OPCML: variants seen among roughly 807,000 people sequenced by gnomAD.
OPCML encodes opioid binding protein/cell adhesion molecule like.
A neutral mutation model predicts 37.8 loss-of-function variants in OPCML; 13 were observed. The observed-to-expected ratio is 0.34, with a 90% confidence interval of 0.22 to 0.55. The LOEUF is 0.55. Ranked by LOEUF, OPCML falls within the 20% of genes least tolerant of loss-of-function variation. The probability of loss-of-function intolerance (pLI) is 0.91; values close to 1 mark genes in which losing one functional copy is unlikely to be tolerated. For synonymous variants in OPCML, 176 were observed against 168.8 expected (o/e 1.04, Z -0.33); for missense variants, 341 against 435.6 (o/e 0.78, Z 1.93).
chr11:133,037,422 T>C (rs959023577), intron 1 of OPCML, among the ~76,000 whole-genome samples: 1 of 152,100 alleles, frequency 6.6e-6, no homozygotes, highest in Non-Finnish European at 1.5e-5. Flanking sequence ...TCTTTCAAAG[T>C]GGATTATTGC....
At chr11:132,859,053 T>C (rs1942183733) in intron 2 of OPCML, among the ~76,000 whole-genome samples, 1 of 152,210 alleles carries the variant, frequency 6.6e-6, no homozygotes, top group Non-Finnish European at 1.5e-5. Context: ...CTCTCTGAAA[T>C]ATATTTCCTT....
intron 1 of OPCML, among the ~76,000 whole-genome samples, chr11:133,275,649 T>C (rs1298742745): frequency 6.6e-6 from 1 of 152,200 alleles, no homozygotes; most frequent in South Asian, 2.1e-4. Flanking sequence ...GAGATTAATA[T>C]GCCACAGTTG....
At chr11:132,707,966 A>T (rs1944103658) in intron 2 of OPCML, among the ~76,000 whole-genome samples, 1 of 152,172 alleles carries the variant, frequency 6.6e-6, no homozygotes, top group Non-Finnish European at 1.5e-5. Flanking sequence ...AAAGCAAAAG[A>T]AGAATTACTT....
At chr11:132,704,907 A>G (rs527931718) in intron 2 of OPCML, among the ~76,000 whole-genome samples, 1 of 152,370 alleles carries the variant, frequency 6.6e-6, no homozygotes, top group Admixed American at 6.5e-5. Context: ...TACAAAACAG[A>G]AGGTTAACAT....
At chr11:133,041,872 G>A (rs75311965) in intron 1 of OPCML, among the ~76,000 whole-genome samples, 8 of 152,170 alleles carry the variant, frequency 5.3e-5, no homozygotes, top group East Asian at 1.9e-4. Context: ...TGGTCCCTCC[G>A]GGTGCTTAGA....
intron 1 of OPCML, among the ~76,000 whole-genome samples, chr11:133,508,762 C>T (rs369156986): frequency 5.9e-5 from 9 of 152,324 alleles, no homozygotes; most frequent in South Asian, 4.1e-4. Flanking sequence ...TGTCCCTCCA[C>T]GCCGGATGCA....
intron 2 of OPCML, among the ~76,000 whole-genome samples, chr11:132,683,958 G>A (rs1033722018): frequency 3.3e-5 from 5 of 151,836 alleles, no homozygotes; most frequent in African/African-American, 9.7e-5. Context: ...TTGCCTCCCC[G>A]AGATGTCCCT....
At chr11:133,102,736 C>T (rs1485032503) in intron 1 of OPCML, among the ~76,000 whole-genome samples, 1 of 152,012 alleles carries the variant, frequency 6.6e-6, no homozygotes, top group African/African-American at 2.4e-5. Context: ...GGTGATAGAG[C>T]AAGACTCCAT....
At chr11:133,287,275 CTTTTTT>C (rs760838065) in intron 1 of OPCML, among the ~76,000 whole-genome samples, 1 of 120,984 alleles carries the variant, frequency 8.3e-6, no homozygotes, top group African/African-American at 3.1e-5. Flanking sequence ...TTCTTTCTTT[CTTTTTT>C]TTTTTTTTTT....
At chr11:132,705,694 C>T (rs534104409) in intron 2 of OPCML, among the ~76,000 whole-genome samples, 18 of 152,282 alleles carry the variant, frequency 1.2e-4, no homozygotes, top group African/African-American at 2.6e-4. Flanking sequence ...CCTTTCATCA[C>T]GGTTGTAAGT....
At chr11:132,458,860 AG>A (rs773950036) in intron 4 of OPCML, among the ~76,000 whole-genome samples, 12 of 152,292 alleles carry the variant, frequency 7.9e-5, no homozygotes, top group Non-Finnish European at 1.6e-4. Context: ...ACATATGTGA[AG>A]AAAATGTAGC....
At chr11:133,486,548 T>C (rs915403931) in intron 1 of OPCML, among the ~76,000 whole-genome samples, 2 of 152,186 alleles carry the variant, frequency 1.3e-5, no homozygotes, top group African/African-American at 4.8e-5. Context: ...CTGCTGAGTC[T>C]TCCTTTCCTC....
chr11:133,405,587 C>CT (rs2136851289), intron 1 of OPCML, among the ~76,000 whole-genome samples: 1 of 152,314 alleles, frequency 6.6e-6, no homozygotes, highest in South Asian at 2.1e-4. Flanking sequence ...CTGCTGAGCT[C>CT]TTCCTTCAGC....
intron 2 of OPCML, among the ~76,000 whole-genome samples, chr11:132,873,930 A>G (rs1223028236): frequency 2.0e-5 from 3 of 152,162 alleles, no homozygotes; most frequent in Non-Finnish European, 2.9e-5. Flanking sequence ...TTGCTCTGAT[A>G]TAGCAAATTT....
At chr11:132,507,235 C>T (rs2096259151) in intron 4 of OPCML, among the ~76,000 whole-genome samples, 1 of 151,484 alleles carries the variant, frequency 6.6e-6, no homozygotes, top group South Asian at 2.1e-4. Flanking sequence ...AAGCTGAAAA[C>T]ACTTTATTAA....
chr11:132,557,512 G>A (rs2096398508), intron 3 of OPCML, among the ~76,000 whole-genome samples: 1 of 152,104 alleles, frequency 6.6e-6, no homozygotes, highest in South Asian at 2.1e-4. Context: ...TATCTTTAGT[G>A]GGCTGTCCAA....
At chr11:132,720,786 T>C (rs1944649709) in intron 2 of OPCML, among the ~76,000 whole-genome samples, 1 of 152,206 alleles carries the variant, frequency 6.6e-6, no homozygotes, top group South Asian at 2.1e-4. Flanking sequence ...AGTGGTGACC[T>C]ATTTATAAAA....
chr11:132,870,550 G>A (rs1942756029), intron 2 of OPCML, among the ~76,000 whole-genome samples: 1 of 152,088 alleles, frequency 6.6e-6, no homozygotes, highest in Non-Finnish European at 1.5e-5. Context: ...CCATTTCTGG[G>A]TATATGTCCA....
At chr11:133,217,410 T>C (rs1209521692) in intron 1 of OPCML, among the ~76,000 whole-genome samples, 1 of 152,228 alleles carries the variant, frequency 6.6e-6, no homozygotes, top group African/African-American at 2.4e-5. Context: ...GCTCACCTTC[T>C]GGTCTTAGGT....
Sources: allele counts gnomAD v4.1 joint callset (sites outside exome capture counted in the v4.1 genomes callset), GRCh38; gene constraint gnomAD v4.1.1; transcripts MANE v1.5; gene names NCBI Gene and HGNC (gene_info 2026-07-23, HGNC 2026-07-21).